The following BPHL variants were observed in gnomAD, a reference collection of about 807,000 sequenced individuals.
BPHL encodes the protein biphenyl hydrolase like, also known as serine hydrolase BPHL.
BPHL carries 27 observed loss-of-function variants against 31.2 expected under a neutral mutation model. That is an observed-to-expected ratio of 0.87 (90% CI 0.64 to 1.19). BPHL has a LOEUF of 1.19. BPHL is among the 50% of genes most tolerant of loss of function. The probability of loss-of-function intolerance (pLI) is 0.00; values close to 1 mark genes in which losing one functional copy is unlikely to be tolerated. For synonymous variants in BPHL, 150 were observed against 146.8 expected, an observed-to-expected ratio of 1.02 and a Z score of -0.16; for missense variants, 356 against 375.7, an observed-to-expected ratio of 0.95 and a Z score of 0.43.
chr6:3,118,618 G>A, upstream of BPHL: 1 of 659,652 alleles, frequency 1.5e-6, no homozygotes, highest in African/African-American at 1.9e-5. Flanking sequence ...GCGGGCAGAG[G>A]GCGGAGCAGG....
In BPHL at chr6:3,152,683, C is replaced by G; in HGVS notation, c.*108C>G. 2 of 951,304 alleles carry G rather than the reference C, an allele frequency of 2.1e-6. No homozygotes were observed. Among genetic ancestry groups the G allele is most frequent in the Non-Finnish European group, 3.2e-6 (2 of 624,172 alleles). The allele number at this position is 951,304 out of a possible 1,614,324, so 58.9% of individuals were successfully genotyped here. ...TCCGCCTTTGAAACTTTCTACCCCT[C>G]CCTTCAATCTTATCCTAACCAAATG... On this transcript the variant is annotated 3_prime_UTR_variant, in exon 7 of 7. Transcript: ENST00000380379.
chr6:3,153,046 TAAAA>T lies in BPHL; in HGVS notation c.*477_*480del, dbSNP rs947854613. ...CTTGTCTTAAAAAAAAATAAAAACA[TAAAA>T]AAAAATAAAAAAGGAATAAAGCCTC... On this transcript the variant is annotated 3_prime_UTR_variant, in exon 7 of 7. Coordinates refer to ENST00000380379, the MANE Select transcript of BPHL (RefSeq NM_004332.4). 2 of 149,620 alleles carry T rather than the reference TAAAA, an allele frequency of 1.3e-5. No homozygotes were observed. Among genetic ancestry groups the T allele is most frequent in the Non-Finnish European group, 3.0e-5 (2 of 67,374 alleles). The allele number at this position is 149,620 out of a possible 1,614,324, so 9.3% of individuals were successfully genotyped here.
chr6:3,118,926 CAGG>C (rs1476001148), intron 1 of BPHL, 79 bp downstream of exon 1: 22 of 1,138,896 alleles, frequency 1.9e-5, no homozygotes, highest in Non-Finnish European at 2.3e-5. Context: ...GTGCCGACAG[CAGG>C]AGTTCCCGGC....
Position 3,140,157 on chromosome 6 carries a change from A to G in BPHL, c.665-229A>G. ...ATTTAAATCAGGCTGCTTATTTACT[A>G]GTAGAACTCAGAAACAGGCAAACAA... On this transcript the variant is annotated intron_variant, in intron 5 of 6. Transcript: ENST00000380379. This position sits in a 1 kb window ranked among gnomAD's most constrained non-coding sequence, Gnocchi z 5.2. The G allele has an allele frequency of 1.8e-6, 1 of 547,920 alleles. No homozygotes were observed. The allele number at this position is 547,920 out of a possible 1,614,324, so 33.9% of individuals were successfully genotyped here. A position where few individuals can be genotyped will look rare whatever the true frequency, so the allele number is the denominator to read the frequency against.
At position 3,120,086 on chromosome 6, in the gene BPHL, G is replaced by T. The variant is rs540071657; in HGVS notation, c.107+1239G>T. 8.5e-5 allele frequency among the ~76,000 whole-genome samples: 13 copies of T among 152,060 alleles called. No individual in the cohort carries two copies. In the East Asian group the frequency reaches 2.5e-3, roughly 29 times the overall value. ...CTCTCGCTCTTTTGCCCATGCTGGAGTGCAGTGTTGTGATCTCGCTCACTG... is the reference window on the plus strand; with the variant it reads ...CTCTCGCTCTTTTGCCCATGCTGGATTGCAGTGTTGTGATCTCGCTCACTG... On this transcript the variant is annotated intron_variant, in intron 1 of 6. Transcript: ENST00000380379.
intron 4 of BPHL, among the ~76,000 whole-genome samples, chr6:3,131,397 T>C (rs574836062): frequency 6.6e-6 from 1 of 152,310 alleles, no homozygotes; most frequent in East Asian, 1.9e-4. Context: ...AGTCCTCCTC[T>C]GCCCTCTTCA....
At chr6:3,127,562 T>C (rs1761751730) in intron 3 of BPHL, among the ~76,000 whole-genome samples, 154 bp downstream of exon 3, 1 of 152,168 alleles carries the variant, frequency 6.6e-6, no homozygotes, top group African/African-American at 2.4e-5. Flanking sequence ...AAGAAGAAAG[T>C]AGAAATAGCC....
At chr6:3,119,177 C>A in intron 1 of BPHL, 1 of 1,056,784 alleles carries the variant, frequency 9.5e-7, no homozygotes. Flanking sequence ...TGGACTCACC[C>A]GTGACGGAGC....
At chr6:3,143,662 G>A (rs1385351765) in intron 6 of BPHL, among the ~76,000 whole-genome samples, 1 of 152,202 alleles carries the variant, frequency 6.6e-6, no homozygotes, top group Non-Finnish European at 1.5e-5. Flanking sequence ...AAGTACAGCG[G>A]TCGTAATAGA....
At position 3,153,117 on chromosome 6, in the gene BPHL, T is replaced by C. The variant is rs1762570442; in HGVS notation, c.*542T>C. On this transcript the variant is annotated 3_prime_UTR_variant, in exon 7 of 7. Coordinates refer to ENST00000380379, the MANE Select transcript of BPHL (RefSeq NM_004332.4). Reference sequence around the variant, plus strand: ...GAAAATTAAATCCGATTTTCTAAGATGAAGTTGTGACAAGTTATACCATTG... The same window carrying C: ...GAAAATTAAATCCGATTTTCTAAGACGAAGTTGTGACAAGTTATACCATTG... 6.6e-6 allele frequency: 1 copy of C among 152,304 alleles called. No homozygotes were observed. Among genetic ancestry groups the C allele is most frequent in the African/African-American group, 2.4e-5 (1 of 41,462 alleles). 9.4% of individuals were successfully genotyped at this position (152,304 alleles called of 1,614,324 possible).
chr6:3,140,386 G>A lies in BPHL; in HGVS notation c.665G>A (p.Gly222Asp). Residue 222 changes from glycine to aspartate, a missense_variant and splice_region_variant, in exon 6 of 7, where the codon GGT (glycine) becomes GAT (aspartate). Coordinates refer to ENST00000380379, the MANE Select transcript of BPHL (RefSeq NM_004332.4). The surrounding 1 kb of genome is among the most constrained non-coding windows in gnomAD (Gnocchi z 5.2). ...GIRQFKHLPD[G>D]NICRHLLPRV... is the part of the protein sequence containing the mutation. ...ATTCCTCGTGCTGTGTATCCGTCAGGTAACATCTGCCGGCACCTGCTGCCC... is the reference window on the plus strand; with the variant it reads ...ATTCCTCGTGCTGTGTATCCGTCAGATAACATCTGCCGGCACCTGCTGCCC... The A allele has an allele frequency of 6.2e-7, 1 of 1,614,120 alleles. No individual in the cohort carries two copies. The highest frequency in any genetic ancestry group is 1.1e-5 in the South Asian group (1 of 91,072).
In BPHL at chr6:3,145,993, C is replaced by G. The variant is rs1172099907; in HGVS notation, c.788+5484C>G. Among the ~76,000 whole-genome samples the G allele has an allele frequency of 3.5e-5, 2 of 56,708 alleles. 1 individual carries two copies. Among genetic ancestry groups the G allele is most frequent in the Non-Finnish European group, 7.8e-5 (2 of 25,788 alleles). The allele number at this position is 56,708 out of a possible 152,430, so 37.2% of individuals were successfully genotyped here. ...TCGGAGTGCTGGTTTGGGTCGAGTGCTGGTTCGGGGTGGAGTGCTGGTTCG... is the reference window on the plus strand; with the variant it reads ...TCGGAGTGCTGGTTTGGGTCGAGTGGTGGTTCGGGGTGGAGTGCTGGTTCG... On this transcript the variant is annotated intron_variant, in intron 6 of 6. Coordinates refer to ENST00000380379, the MANE Select transcript of BPHL (RefSeq NM_004332.4).
At chr6:3,144,108 C>T (rs1344819759) in intron 6 of BPHL, among the ~76,000 whole-genome samples, 1 of 152,222 alleles carries the variant, frequency 6.6e-6, no homozygotes, top group East Asian at 1.9e-4. Context: ...CTCGCTGTTG[C>T]CCAGGCTGGA....
At chr6:3,146,325 T>G (rs1357324013) in intron 6 of BPHL, among the ~76,000 whole-genome samples, 4 of 16,886 alleles carry the variant, frequency 2.4e-4, no homozygotes, top group African/African-American at 3.9e-4. Flanking sequence ...CTGGTTCGGG[T>G]CAGAGTGCTG....
intron 6 of BPHL, among the ~76,000 whole-genome samples, chr6:3,142,273 C>A (rs1730283223): frequency 6.6e-6 from 1 of 152,036 alleles, no homozygotes; most frequent in African/African-American, 2.4e-5. Flanking sequence ...CACCCGCCAC[C>A]ACGCCCAGCT....
chr6:3,122,961 G>A (rs1761616023), intron 1 of BPHL, among the ~76,000 whole-genome samples: 1 of 152,314 alleles, frequency 6.6e-6, no homozygotes, highest in South Asian at 2.1e-4. Flanking sequence ...GTGCAGACGA[G>A]TGACTCCAGG....
rs1762041955 is a variant in BPHL, at chr6:3,137,405, T to G, written c.576T>G (p.Pro192=). 3.1e-6 allele frequency: 5 copies of G among 1,612,856 alleles called. No homozygotes were observed. Among genetic ancestry groups the G allele is most frequent in the Non-Finnish European group, 4.2e-6 (5 of 1,179,810 alleles). Residue 192 remains proline, a synonymous_variant, in exon 5 of 7, where the codon CCT becomes CCG. Coordinates refer to ENST00000380379, the MANE Select transcript of BPHL (RefSeq NM_004332.4). ...AATGGAGTGAGAGAACAAGAAAGCC[T>G]CTAGAAGCCCTCTATGGGTATGACT... ...VSKWSERTRK[P]LEALYGYDYF...
chr6:3,143,243 A>G (rs953176510), intron 6 of BPHL, among the ~76,000 whole-genome samples: 18 of 152,130 alleles, frequency 1.2e-4, no homozygotes, highest in Non-Finnish European at 2.4e-4. Flanking sequence ...CAAACAAAAA[A>G]ACACTTAAAG....
At position 3,129,152 on chromosome 6, in the gene BPHL, G is replaced by A. The variant is rs765786181; in HGVS notation, c.486G>A (p.Trp162Ter). The change falls in exon 4 of 7, where the codon TGG becomes TGA. Residue 162 changes from tryptophan to a stop codon, truncating the protein, a stop_gained. Coordinates refer to ENST00000380379, the MANE Select transcript of BPHL (RefSeq NM_004332.4). LOFTEE classifies it high-confidence loss of function. ...YPSYIHKMVI[W>*]GANAYVTDED... Reference sequence around the variant, plus strand: ...CTTACATCCACAAGATGGTGATCTGGGGCGCCAACGCCTACGTCACTGACG... The same window carrying A: ...CTTACATCCACAAGATGGTGATCTGAGGCGCCAACGCCTACGTCACTGACG... The A allele has an allele frequency of 5.0e-6, 8 of 1,610,732 alleles. No homozygotes were observed. The highest frequency in any genetic ancestry group is 6.8e-6 in the Non-Finnish European group (8 of 1,177,930).
Sources: gnomAD v4.1 joint callset for allele counts (sites outside exome capture counted in the v4.1 genomes callset) on GRCh38, gnomAD v4.1.1 for gene constraint, Gnocchi (gnomAD v3.1) non-coding constraint, MANE v1.5 for transcripts, NCBI Gene and HGNC (gene_info 2026-07-23, HGNC 2026-07-21) for gene names.